SLC41A3: variants seen among roughly 807,000 people sequenced by gnomAD.
The protein encoded by SLC41A3 is SLC41A1-like 2.
In SLC41A3, 44 loss-of-function variants were observed where a neutral mutation model predicts 45.4. The observed-to-expected ratio is 0.97, with a 90% CI of 0.76 to 1.25. The LOEUF (loss-of-function observed/expected upper bound fraction) is 1.25. Ranked by LOEUF, SLC41A3 falls within the 50% of genes most tolerant of loss-of-function variation. The pLI is 0.00. For missense variants in SLC41A3, 550 were observed against 600.6 expected (o/e 0.92, Z 0.88); for synonymous variants, 256 against 252.4 (o/e 1.01, Z -0.13).
At chr3:126,015,625 G>C (rs1401281320) in intron 7 of SLC41A3, 52 bp from the exon 8 acceptor site, 1 of 1,537,994 alleles carries the variant, frequency 6.5e-7, no homozygotes, top group South Asian at 1.1e-5. Context: ...ACTTACAGTG[G>C]CCCTGCAACT....
intron 3 of SLC41A3, among the ~76,000 whole-genome samples, chr3:126,034,500 C>A (rs1337172861): frequency 1.3e-5 from 2 of 152,222 alleles, no homozygotes; most frequent in Non-Finnish European, 2.9e-5. Flanking sequence ...AGAAGGGGAG[C>A]CTTTTTGTCT....
chr3:126,082,223 G>A (rs1945190677), intron 1 of SLC41A3, among the ~76,000 whole-genome samples: 1 of 152,336 alleles, frequency 6.6e-6, no homozygotes, highest in Admixed American at 6.5e-5. Flanking sequence ...ACAGGCTGGA[G>A]GAGGCTCCTG....
intron 3 of SLC41A3, among the ~76,000 whole-genome samples, chr3:126,048,160 A>C (rs898422821): frequency 2.6e-4 from 40 of 152,228 alleles, no homozygotes; most frequent in Admixed American, 2.6e-3. Context: ...AAAAATTTGT[A>C]TTAATTTTAT....
chr3:126,080,440 C>T lies in SLC41A3; in HGVS notation c.-28+3653G>A, dbSNP rs116026974. 5.4e-3 allele frequency among the ~76,000 whole-genome samples: 826 copies of T among 152,178 alleles called. 5 individuals carry two copies. The highest frequency in any genetic ancestry group is 0.011 in the South Asian group (51 of 4,820). ...CTCAAAAGAAGACATAAATGGCTCA[C>T]ATATATGCAAAAAGTACTCAACATC... On this transcript the variant is annotated intron_variant, in intron 1 of 10. Coordinates refer to ENST00000360370, the MANE Select transcript of SLC41A3 (RefSeq NM_017836.4).
intron 2 of SLC41A3, chr3:126,056,498 C>T (rs1943674188): frequency 6.2e-7 from 1 of 1,614,180 alleles, no homozygotes; most frequent in Non-Finnish European, 8.5e-7. Flanking sequence ...CAGCTGAAGC[C>T]TCGCAGCTTC....
chr3:126,023,171 G>A (rs1941053633), intron 5 of SLC41A3: 1 of 543,718 alleles, frequency 1.8e-6, no homozygotes, highest in Admixed American at 3.2e-5. Flanking sequence ...ACTCCACTTT[G>A]TGACCTGTGC....
upstream of SLC41A3, chr3:126,085,477 C>G (rs566603737): frequency 6.6e-6 from 1 of 152,216 alleles, no homozygotes; most frequent in Non-Finnish European, 1.5e-5. Flanking sequence ...TGAAGCCTCC[C>G]AGACTTCTAG....
At chr3:126,031,220 T>C (rs1244557652) in intron 4 of SLC41A3, among the ~76,000 whole-genome samples, 4 of 152,178 alleles carry the variant, frequency 2.6e-5, no homozygotes, top group East Asian at 1.9e-4. Flanking sequence ...GATTCAAATA[T>C]TGCTCAAATA....
intron 1 of SLC41A3, chr3:126,079,059 G>A (rs1283194621): frequency 6.6e-6 from 1 of 152,206 alleles, no homozygotes; most frequent in Non-Finnish European, 1.5e-5. Context: ...GACGCCCAAG[G>A]CTTATGGACA....
intron 3 of SLC41A3, among the ~76,000 whole-genome samples, chr3:126,041,119 T>C (rs1335072120): frequency 6.6e-6 from 1 of 151,994 alleles, no homozygotes; most frequent in African/African-American, 2.4e-5. Flanking sequence ...AGCACAGTGG[T>C]TGAAGAGACA....
chr3:126,017,944 C>T (rs550155442), intron 6 of SLC41A3, among the ~76,000 whole-genome samples: 1 of 152,202 alleles, frequency 6.6e-6, no homozygotes, highest in Non-Finnish European at 1.5e-5. Context: ...AAACAGCGGC[C>T]TGCAGAAGCA....
intron 1 of SLC41A3, among the ~76,000 whole-genome samples, chr3:126,079,855 C>G (rs1162660992): frequency 6.6e-6 from 1 of 152,164 alleles, no homozygotes; most frequent in Non-Finnish European, 1.5e-5. Flanking sequence ...GTAACCAAAT[C>G]AGCATGGTAC....
intron 3 of SLC41A3, among the ~76,000 whole-genome samples, chr3:126,045,122 G>A (rs1942878546): frequency 1.3e-5 from 2 of 151,500 alleles, no homozygotes; most frequent in African/African-American, 2.4e-5. Context: ...TAATTTATAG[G>A]ATGCAGTGAA....
At chr3:126,043,127 CAAAA>C in intron 3 of SLC41A3, among the ~76,000 whole-genome samples, 1 of 151,290 alleles carries the variant, frequency 6.6e-6, no homozygotes. Context: ...AAGTCAAAAA[CAAAA>C]AGAGAATCTT....
intron 4 of SLC41A3, among the ~76,000 whole-genome samples, chr3:126,029,849 G>A (rs1040619339): frequency 6.6e-6 from 1 of 151,824 alleles, no homozygotes; most frequent in Non-Finnish European, 1.5e-5. Flanking sequence ...TAGATCAGCA[G>A]GACAGAACAC....
chr3:126,008,930 T>C lies in SLC41A3; in HGVS notation c.1106-50A>G, dbSNP rs772687763. 5.0e-6 allele frequency: 8 copies of C among 1,604,346 alleles called. No homozygotes were observed. The South Asian group carries it at 8.8e-5, about 18-fold the overall frequency. ...TCATGTGACCTGAAGCGAGGCCACT[T>C]TGGCATGTGACAGTCCTCAGTGAGG... On this transcript the variant is annotated intron_variant, in intron 9 of 10. Transcript: ENST00000360370.
At chr3:126,021,277 T>C (rs1415834888) in intron 6 of SLC41A3, among the ~76,000 whole-genome samples, 1 of 152,182 alleles carries the variant, frequency 6.6e-6, no homozygotes, top group Admixed American at 6.5e-5. Context: ...CCTTTATCTA[T>C]CACATGTGCA....
upstream of SLC41A3, among the ~76,000 whole-genome samples, chr3:126,085,151 C>G (rs1019988171): frequency 5.3e-5 from 8 of 152,272 alleles, no homozygotes; most frequent in Admixed American, 2.0e-4. Flanking sequence ...CCACCCTCCC[C>G]CTCTTTGAGT....
intron 1 of SLC41A3, among the ~76,000 whole-genome samples, chr3:126,081,371 AG>A (rs1184619773): frequency 2.0e-5 from 3 of 152,226 alleles, no homozygotes; most frequent in African/African-American, 7.2e-5. Context: ...AGGGGGAAAA[AG>A]GGAGGATGGT....
Sources: gnomAD v4.1 joint callset for allele counts (sites outside exome capture counted in the v4.1 genomes callset) on GRCh38, gnomAD v4.1.1 for gene constraint, MANE v1.5 for transcripts, NCBI Gene and HGNC (gene_info 2026-07-23, HGNC 2026-07-21) for gene names.